SYK: variants seen among roughly 807,000 people sequenced by gnomAD.
SYK encodes the protein spleen associated tyrosine kinase, also known as tyrosine-protein kinase SYK.
A neutral mutation model predicts 77.8 loss-of-function variants in SYK; 16 were observed. The observed-to-expected ratio is 0.21, with a 90% confidence interval of 0.14 to 0.31. SYK has a LOEUF of 0.31. Ranked by LOEUF, SYK falls within the 10% of genes least tolerant of loss-of-function variation. SYK has a pLI of 1.00. For synonymous variants in SYK, 312 were observed against 308.7 expected, an observed-to-expected ratio of 1.01 and a Z score of -0.11; for missense variants, 529 against 814.4, an observed-to-expected ratio of 0.65 and a Z score of 4.26.
intron 1 of SYK, among the ~76,000 whole-genome samples, chr9:90,808,903 G>A (rs946288791): frequency 9.9e-5 from 15 of 152,178 alleles, no homozygotes; most frequent in Non-Finnish European, 1.8e-4. Flanking sequence ...TTCAAGGAGA[G>A]CATTCATTGC....
intron 3 of SYK, among the ~76,000 whole-genome samples, chr9:90,847,176 A>T (rs1311845570): frequency 6.6e-6 from 1 of 152,232 alleles, no homozygotes; most frequent in Non-Finnish European, 1.5e-5. Context: ...TTTGATGAAC[A>T]TGCCTTGTTC....
At chr9:90,864,541 A>G in intron 4 of SYK, 48 bp from the exon 5 acceptor site, 4 of 1,535,414 alleles carry the variant, frequency 2.6e-6, no homozygotes, top group Non-Finnish European at 3.6e-6. Flanking sequence ...CTATTTGTCT[A>G]TTTCCTGACC....
At chr9:90,877,367 A>G (rs1308219167) in intron 9 of SYK, among the ~76,000 whole-genome samples, 1 of 152,196 alleles carries the variant, frequency 6.6e-6, no homozygotes, top group Non-Finnish European at 1.5e-5. Context: ...TTAGTAATGG[A>G]GTATTACTCT....
chr9:90,847,698 T>C (rs547607676), intron 3 of SYK, among the ~76,000 whole-genome samples: 9 of 152,348 alleles, frequency 5.9e-5, no homozygotes, highest in Non-Finnish European at 8.8e-5. Context: ...CATGTTCCCA[T>C]GATGGTTGTA....
At chr9:90,822,218 G>C (rs1484809340) in intron 1 of SYK, among the ~76,000 whole-genome samples, 1 of 152,146 alleles carries the variant, frequency 6.6e-6, no homozygotes, top group Non-Finnish European at 1.5e-5. Flanking sequence ...TTTTGTAAGA[G>C]ATATGTTTTC....
chr9:90,801,985 G>T (rs1245324850), intron 1 of SYK, 92 bp downstream of exon 1: 1 of 152,284 alleles, frequency 6.6e-6, no homozygotes, highest in Non-Finnish European at 1.5e-5. Flanking sequence ...GCCCTTTCTT[G>T]TTCTACCTTC....
At chr9:90,826,257 C>T (rs1825662654) in intron 1 of SYK, among the ~76,000 whole-genome samples, 1 of 152,242 alleles carries the variant, frequency 6.6e-6, no homozygotes, top group Non-Finnish European at 1.5e-5. Context: ...GTTGACCCTC[C>T]TGAGGCTCGA....
intron 1 of SYK, among the ~76,000 whole-genome samples, chr9:90,822,284 A>G (rs1412615992): frequency 6.6e-6 from 1 of 152,208 alleles, no homozygotes; most frequent in Non-Finnish European, 1.5e-5. Flanking sequence ...TACATTTTAT[A>G]TTAGTTAATT....
chr9:90,865,890 C>CATTT (rs1564106023), intron 6 of SYK, among the ~76,000 whole-genome samples: 2 of 49,538 alleles, frequency 4.0e-5, no homozygotes, highest in African/African-American at 1.9e-4. Context: ...CTACATATGG[C>CATTT]CTTTTTTTTT....
At chr9:90,847,150 G>A (rs1293008267) in intron 3 of SYK, among the ~76,000 whole-genome samples, 11 of 152,206 alleles carry the variant, frequency 7.2e-5, no homozygotes, top group Non-Finnish European at 1.0e-4. Context: ...CAGAAGGCTG[G>A]GAGGTGCAGC....
chr9:90,814,977 T>A (rs1274248623), intron 1 of SYK, among the ~76,000 whole-genome samples: 1 of 152,152 alleles, frequency 6.6e-6, no homozygotes, highest in Non-Finnish European at 1.5e-5. Context: ...AAGTCATGTA[T>A]CCTTGGGGTA....
chr9:90,895,603 G>T lies in SYK; in HGVS notation c.*3G>T. ...ACTACTATGACGTGGTGAACTAACC[G>T]CTCCCGCACCTGTCGGTGGCTGCCT... On this transcript the variant is annotated 3_prime_UTR_variant, in exon 14 of 14. Coordinates refer to ENST00000375754, the MANE Select transcript of SYK (RefSeq NM_003177.7). The surrounding 1 kb of genome is among the most constrained non-coding windows in gnomAD (Gnocchi z 4.4). The T allele has an allele frequency of 6.2e-7, 1 of 1,613,710 alleles. No homozygotes were observed. The highest frequency in any genetic ancestry group is 8.5e-7 in the Non-Finnish European group (1 of 1,179,740).
rs1399524556 is a variant in SYK, at chr9:90,898,241, G to A, written c.*2641G>A. The A allele has an allele frequency of 4.3e-6, 1 of 231,222 alleles. No individual in the cohort carries two copies. The highest frequency in any genetic ancestry group is 8.6e-6 in the Non-Finnish European group (1 of 116,824). 14.3% of individuals were successfully genotyped at this position (231,222 alleles called of 1,614,324 possible). A position where few individuals can be genotyped will look rare whatever the true frequency, so the allele number is the denominator to read the frequency against. ...GACAGTTTCTATCACAGAAAACAGT[G>A]TGTTCAGTGGTGAAAATCGTTGCAT... is the stretch of plus-strand genomic sequence containing the variant. On this transcript the variant is annotated 3_prime_UTR_variant, in exon 14 of 14. Coordinates refer to ENST00000375754, the MANE Select transcript of SYK (RefSeq NM_003177.7).
rs1452596278 is a variant in SYK at position 90,861,462 on chromosome 9, C to A, written c.579-744C>A. 2.0e-5 allele frequency among the ~76,000 whole-genome samples: 3 copies of A among 152,192 alleles called. No homozygotes were observed. The South Asian group carries it at 6.2e-4, about 32-fold the overall frequency. On this transcript the variant is annotated intron_variant, in intron 3 of 13. Coordinates refer to ENST00000375754, the MANE Select transcript of SYK (RefSeq NM_003177.7). ...TCCTGGGGGTGTTACCCGACAATATCATCATTTGAAACTGTTTGAAGTCCA... is the reference window on the plus strand; with the variant it reads ...TCCTGGGGGTGTTACCCGACAATATAATCATTTGAAACTGTTTGAAGTCCA...
At chr9:90,876,803 C>T (rs150989074) in intron 9 of SYK, among the ~76,000 whole-genome samples, 399 of 152,268 alleles carry the variant, frequency 2.6e-3, no homozygotes, top group African/African-American at 9.3e-3. Flanking sequence ...AGTTGTTTAC[C>T]TTTTCAATGT....
chr9:90,854,111 C>T (rs1349130595), intron 3 of SYK, among the ~76,000 whole-genome samples: 1 of 152,008 alleles, frequency 6.6e-6, no homozygotes, highest in Non-Finnish European at 1.5e-5. Flanking sequence ...ATTTTGGTGC[C>T]CTGAGATTCT....
intron 13 of SYK, among the ~76,000 whole-genome samples, chr9:90,889,561 A>G (rs554251268): frequency 6.6e-6 from 1 of 152,164 alleles, no homozygotes; most frequent in Admixed American, 6.5e-5. Context: ...TGGGAGTATC[A>G]CTCTACCACA....
chr9:90,868,892 A>G (rs960019819), intron 7 of SYK, among the ~76,000 whole-genome samples: 1 of 152,222 alleles, frequency 6.6e-6, no homozygotes, highest in African/African-American at 2.4e-5. Flanking sequence ...TCTGATAATA[A>G]TTTAAATGCC....
intron 11 of SYK, among the ~76,000 whole-genome samples, chr9:90,882,471 A>G (rs1828194276): frequency 6.6e-6 from 1 of 152,252 alleles, no homozygotes; most frequent in South Asian, 2.1e-4. Flanking sequence ...CATCAGCAGA[A>G]GATAACCAGA....
Sources: gnomAD v4.1 joint callset for allele counts (sites outside exome capture counted in the v4.1 genomes callset) on GRCh38, gnomAD v4.1.1 for gene constraint, Gnocchi (gnomAD v3.1) non-coding constraint, MANE v1.5 for transcripts, NCBI Gene and HGNC (gene_info 2026-07-23, HGNC 2026-07-21) for gene names.